CDH1: variants seen among roughly 807,000 people sequenced by gnomAD.
CDH1 encodes cadherin 1, also known as cadherin-1.
A neutral mutation model predicts 84.5 loss-of-function variants in CDH1; 35 were observed. That is an observed-to-expected ratio of 0.41 (90% CI 0.32 to 0.55). The LOEUF (loss-of-function observed/expected upper bound fraction) is 0.55, where lower values mean the gene tolerates loss of function less well. Among genes scored for constraint, CDH1 ranks in the 20% least tolerant of loss-of-function variants. CDH1 has a pLI of 0.19. For missense variants in CDH1, 994 were observed against 1,126.6 expected, an observed-to-expected ratio of 0.88 and a Z score of 1.68; for synonymous variants, 417 against 439.0, an observed-to-expected ratio of 0.95 and a Z score of 0.63.
At chr16:68,745,550 A>ATATATATATATATG (rs1555510455) in intron 2 of CDH1, among the ~76,000 whole-genome samples, 1,412 of 49,922 alleles carry the variant, frequency 0.028, 17 homozygotes, top group Middle Eastern at 0.083. Context: ...AAAAAAAAAA[A>ATATATATATATATG]TATATATATA....
At chr16:68,741,583 C>T (rs1465288523) in intron 2 of CDH1, among the ~76,000 whole-genome samples, 1 of 151,826 alleles carries the variant, frequency 6.6e-6, no homozygotes, top group African/African-American at 2.4e-5. Flanking sequence ...TGTGGCTGAC[C>T]CCATGATCTC....
chr16:68,745,250 G>C (rs1962690401), intron 2 of CDH1, among the ~76,000 whole-genome samples: 1 of 151,620 alleles, frequency 6.6e-6, no homozygotes, highest in Non-Finnish European at 1.5e-5. Context: ...GGGAGGCCAA[G>C]GCCGCAGGAT....
In CDH1 at chr16:68,801,625, T is replaced by C. The variant is rs189978842; in HGVS notation, c.164-45T>C. On this transcript the variant is annotated intron_variant, in intron 2 of 15. Transcript: ENST00000261769. ...TCTTTGGAGAAGGAATGCTCTTGTC[T>C]TTAATCTGTCCAATTTCCTAATCTC... 3,434 of 1,520,826 alleles carry C rather than the reference T, an allele frequency of 2.3e-3. 3 individuals are homozygous for C. The highest frequency in any genetic ancestry group is 3.0e-3 in the Non-Finnish European group (3,281 of 1,094,990). 94.2% of individuals were successfully genotyped at this position (1,520,826 alleles called of 1,614,324 possible).
intron 13 of CDH1, among the ~76,000 whole-genome samples, chr16:68,824,599 G>A (rs1474276534): frequency 6.6e-6 from 1 of 152,236 alleles, no homozygotes; most frequent in East Asian, 1.9e-4. Flanking sequence ...CATGGAGTAG[G>A]GGTGGAGTGT....
Position 68,834,273 on chromosome 16 carries a change from A to G in CDH1, c.*774A>G, listed in dbSNP as rs549231645. The G allele has an allele frequency of 1.8e-3, 930 of 511,650 alleles. 12 individuals carry two copies. The highest frequency in any genetic ancestry group is 0.014 in the South Asian group (890 of 64,892). 31.7% of individuals were successfully genotyped at this position (511,650 alleles called of 1,614,324 possible). ...CTGCCCAGCTCCCCAACTCCCTGCC[A>G]TTTTTTAAGAGACAGTTTCGCTCCA... is the stretch of plus-strand genomic sequence containing the variant. On this transcript the variant is annotated 3_prime_UTR_variant, in exon 16 of 16. Coordinates refer to ENST00000261769, the MANE Select transcript of CDH1 (RefSeq NM_004360.5).
intron 2 of CDH1, among the ~76,000 whole-genome samples, chr16:68,768,915 C>T (rs1170624284): frequency 2.6e-5 from 4 of 152,220 alleles, no homozygotes; most frequent in African/African-American, 9.6e-5. Context: ...GCCCAGAGCA[C>T]CCTTCCCCCA....
rs201135424 is a variant in CDH1, at chr16:68,813,358, A to G, written c.1183A>G (p.Thr395Ala). The change falls in exon 9 of 16, where the codon ACA (threonine) becomes GCA (alanine). Residue 395 changes from threonine (T) to alanine (A), a missense_variant. Transcript: ENST00000261769. The stretch of plus-strand genomic sequence containing the variant: ...GAACGAGGCTAACGTCGTAATCACC[A>G]CACTGAAAGTGACTGATGCTGATGC... ...PENEANVVIT[T>A]LKVTDADAPN... The G allele has an allele frequency of 1.2e-6, 2 of 1,614,180 alleles. No individual in the cohort carries two copies. The highest frequency in any genetic ancestry group is 1.3e-5 in the African/African-American group (1 of 75,046).
chr16:68,747,762 C>CTCTG (rs1301540231), intron 2 of CDH1, among the ~76,000 whole-genome samples: 1 of 151,944 alleles, frequency 6.6e-6, no homozygotes, highest in Non-Finnish European at 1.5e-5. Context: ...CTCTCTCTCT[C>CTCTG]TCTCCACACA....
intron 15 of CDH1, among the ~76,000 whole-genome samples, chr16:68,832,138 A>G (rs1356650785): frequency 6.6e-6 from 1 of 151,980 alleles, no homozygotes; most frequent in Non-Finnish European, 1.5e-5. Context: ...CGCTTAAGGG[A>G]GGAGAGAGAG....
At chr16:68,790,868 A>C (rs1486296425) in intron 2 of CDH1, among the ~76,000 whole-genome samples, 1 of 152,100 alleles carries the variant, frequency 6.6e-6, no homozygotes, top group Non-Finnish European at 1.5e-5. Context: ...GATGAAACTG[A>C]GTGAGGCTGT....
chr16:68,804,102 CTTTTTTTTTT>C (rs10563852), intron 3 of CDH1, among the ~76,000 whole-genome samples: 3 of 75,068 alleles, frequency 4.0e-5, no homozygotes, highest in Admixed American at 3.4e-4. Flanking sequence ...ATCTGTCTGC[CTTTTTTTTTT>C]TTTTTTTTTT....
In CDH1 at chr16:68,805,237, C is replaced by T. The variant is rs545935548; in HGVS notation, c.388-3187C>T. Among the ~76,000 whole-genome samples the T allele has an allele frequency of 3.9e-5, 6 of 152,014 alleles. 1 individual carries two copies. The South Asian group carries it at 1.2e-3, about 32-fold the overall frequency. Reference sequence around the variant, plus strand: ...GTTTTACCATGTTGGCCAGGCTGGTCTTGAACTCCTGACCTCAAGCAGTCC... The same window carrying T: ...GTTTTACCATGTTGGCCAGGCTGGTTTTGAACTCCTGACCTCAAGCAGTCC... On this transcript the variant is annotated intron_variant, in intron 3 of 15. Transcript: ENST00000261769.
At position 68,828,263 on chromosome 16, in the gene CDH1, G is replaced by A. The variant is rs587781351; in HGVS notation, c.2254G>A (p.Val752Ile). The part of the protein sequence containing the change: ...LPPEDDTRDN[V>I]YYYDEEGGGE... ...CCCAGAGGATGACACCCGGGACAACGTTTATTACTATGATGAAGAAGGAGG... is the reference window on the plus strand; with the variant it reads ...CCCAGAGGATGACACCCGGGACAACATTTATTACTATGATGAAGAAGGAGG... Residue 752 changes from valine (V) to isoleucine (I), a missense_variant, in exon 14 of 16, where the codon GTT becomes ATT. Transcript: ENST00000261769. 1.2e-5 allele frequency: 20 copies of A among 1,614,126 alleles called. No individual in the cohort carries two copies. In the African/African-American group the frequency reaches 1.6e-4, roughly 13 times the overall value.
intron 15 of CDH1, among the ~76,000 whole-genome samples, chr16:68,831,073 T>C (rs1961470573): frequency 9.1e-6 from 1 of 109,338 alleles, no homozygotes; most frequent in African/African-American, 4.6e-5. Flanking sequence ...AGCTTTCTTT[T>C]TTTTTTTTTT....
chr16:68,820,983 A>G (rs1771626512), intron 11 of CDH1, among the ~76,000 whole-genome samples: 3 of 152,226 alleles, frequency 2.0e-5, no homozygotes, highest in Non-Finnish European at 4.4e-5. Flanking sequence ...GTTAAAAAAT[A>G]AAATTTACAT....
intron 2 of CDH1, among the ~76,000 whole-genome samples, chr16:68,793,698 C>T (rs140193245): frequency 5.1e-4 from 77 of 152,260 alleles, no homozygotes; most frequent in African/African-American, 1.7e-3. Flanking sequence ...TTAGGACCAG[C>T]CTGACCAAGA....
At chr16:68,770,134 C>T (rs1959519632) in intron 2 of CDH1, among the ~76,000 whole-genome samples, 1 of 152,046 alleles carries the variant, frequency 6.6e-6, no homozygotes, top group East Asian at 1.9e-4. Context: ...TCATCTTTGC[C>T]TCAGAATCAT....
chr16:68,802,021 T>A (rs910326347), intron 3 of CDH1, 128 bp downstream of exon 3: 3 of 781,256 alleles, frequency 3.8e-6, no homozygotes, highest in Non-Finnish European at 6.6e-6. Context: ...TCCTGTGCAC[T>A]GTGTAGGATG....
intron 2 of CDH1, among the ~76,000 whole-genome samples, chr16:68,749,452 CAG>C (rs908978215): frequency 1.8e-4 from 28 of 152,282 alleles, no homozygotes; most frequent in African/African-American, 6.5e-4. Context: ...TCAATAGATA[CAG>C]AGAGTTTTCA....
Sources: allele counts gnomAD v4.1 joint callset (sites outside exome capture counted in the v4.1 genomes callset), GRCh38; gene constraint gnomAD v4.1.1; transcripts MANE v1.5; gene names NCBI Gene and HGNC (gene_info 2026-07-23, HGNC 2026-07-21).